The following IGF2BP1 variants were observed in gnomAD, a reference collection of about 807,000 sequenced individuals.
IGF2BP1 encodes insulin-like growth factor 2 mRNA-binding protein 1.
A neutral mutation model predicts 74.9 loss-of-function variants in IGF2BP1; 11 were observed. That is an observed-to-expected ratio of 0.15 (90% CI 0.09 to 0.24). The LOEUF is 0.24. IGF2BP1 is among the 10% of genes least tolerant of loss of function. IGF2BP1 has a pLI of 1.00. For missense variants in IGF2BP1, 440 were observed against 757.4 expected (o/e 0.58, Z 4.92); for synonymous variants, 287 against 281.8 (o/e 1.02, Z -0.18).
chr17:49,027,157 C>T (rs1257691012), intron 4 of IGF2BP1, among the ~76,000 whole-genome samples: 1 of 152,176 alleles, frequency 6.6e-6, no homozygotes, highest in African/African-American at 2.4e-5. Flanking sequence ...GCCTCGGCTT[C>T]GGATCTTGGT....
chr17:49,019,271 CTGG>C (rs2041745687), intron 2 of IGF2BP1, among the ~76,000 whole-genome samples: 1 of 152,152 alleles, frequency 6.6e-6, no homozygotes, highest in Non-Finnish European at 1.5e-5. Context: ...ACCATCTCAT[CTGG>C]TGCATTTGCT....
rs1354240668 is a variant in IGF2BP1 at position 48,999,188 on chromosome 17, C to G, written c.236+19C>G. 4.3e-5 allele frequency: 22 copies of G among 515,668 alleles called. No homozygotes were observed. Among genetic ancestry groups the G allele is most frequent in the Admixed American group, 2.1e-4 (4 of 18,768 alleles). The allele number at this position is 515,668 out of a possible 1,614,324, so 31.9% of individuals were successfully genotyped here. A position where few individuals can be genotyped will look rare whatever the true frequency, so the allele number is the denominator to read the frequency against. On this transcript the variant is annotated intron_variant, in intron 2 of 14. Coordinates refer to ENST00000290341, the MANE Select transcript of IGF2BP1 (RefSeq NM_006546.4). Reference sequence around the variant, plus strand: ...AACAAAGGTAGGAAAGAGCTCTTTTCGGGGGGGGTGGGGGGGCCGCGGGGG... The same window carrying G: ...AACAAAGGTAGGAAAGAGCTCTTTTGGGGGGGGGTGGGGGGGCCGCGGGGG...
chr17:49,030,639 T>G (rs2041911250), intron 4 of IGF2BP1, among the ~76,000 whole-genome samples: 1 of 152,164 alleles, frequency 6.6e-6, no homozygotes, highest in African/African-American at 2.4e-5. Context: ...TTTTTTTTCT[T>G]TTTTGAGACA....
chr17:49,017,864 C>T (rs1249176492), intron 2 of IGF2BP1: 1 of 152,136 alleles, frequency 6.6e-6, no homozygotes, highest in East Asian at 1.9e-4. Flanking sequence ...CCTGCCTCGG[C>T]CTCCCAAAGT....
At chr17:49,013,621 G>A (rs1020780703) in intron 2 of IGF2BP1, 3 of 152,386 alleles carry the variant, frequency 2.0e-5, no homozygotes, top group African/African-American at 7.2e-5. Context: ...GACCACCTCA[G>A]TCACAGCCCT....
chr17:49,034,803 G>C (rs978222717), intron 5 of IGF2BP1, among the ~76,000 whole-genome samples: 5 of 150,714 alleles, frequency 3.3e-5, no homozygotes, highest in African/African-American at 9.8e-5. Context: ...AACTTTTCAA[G>C]ATGGAATCCA....
chr17:49,002,256 G>GT (rs1429143546), intron 2 of IGF2BP1, among the ~76,000 whole-genome samples: 1 of 152,072 alleles, frequency 6.6e-6, no homozygotes, highest in Non-Finnish European at 1.5e-5. Context: ...AAATTTTACA[G>GT]TTTAATTTTT....
Position 49,049,950 on chromosome 17 carries a change from GA to G in IGF2BP1, c.*513del. Reference sequence around the variant, plus strand: ...AATTTTTTTATCTTTATTGCTACCAGAAAAAAATGCGAACGAATGCATTGCT... The same window carrying G: ...AATTTTTTTATCTTTATTGCTACCAGAAAAAATGCGAACGAATGCATTGCT... On this transcript the variant is annotated 3_prime_UTR_variant, in exon 15 of 15. Coordinates refer to ENST00000290341, the MANE Select transcript of IGF2BP1 (RefSeq NM_006546.4). The G allele has an allele frequency of 6.5e-6, 1 of 153,556 alleles. No homozygotes were observed. The highest frequency in any genetic ancestry group is 1.4e-5 in the Non-Finnish European group (1 of 69,030). 9.5% of individuals were successfully genotyped at this position (153,556 alleles called of 1,614,324 possible).
intron 2 of IGF2BP1, among the ~76,000 whole-genome samples, chr17:49,000,332 T>A (rs888955013): frequency 6.6e-6 from 1 of 152,158 alleles, no homozygotes; most frequent in African/African-American, 2.4e-5. Context: ...CCTAGAAAGT[T>A]TAATGTGAGA....
chr17:49,037,409 T>C, intron 5 of IGF2BP1: 2 of 466,900 alleles, frequency 4.3e-6, no homozygotes, highest in Middle Eastern at 5.5e-4. Context: ...AAGAGAAGGC[T>C]ACAGAAACTT....
rs190601513 is a variant in IGF2BP1, at chr17:49,044,394, A to G, written c.1320+308A>G. Among the ~76,000 whole-genome samples the G allele has an allele frequency of 1.1e-4, 17 of 152,172 alleles. No individual in the cohort carries two copies. In the East Asian group the frequency reaches 3.1e-3, roughly 28 times the overall value. ...ATCTCATCACCCCTTCCCCCAATAC[A>G]CTATATGATCTGAGCCTCACTTTCC... On this transcript the variant is annotated intron_variant, in intron 11 of 14. Coordinates refer to ENST00000290341, the MANE Select transcript of IGF2BP1 (RefSeq NM_006546.4).
chr17:49,013,475 C>G (rs1485156992), intron 2 of IGF2BP1: 1 of 152,562 alleles, frequency 6.6e-6, no homozygotes, highest in Non-Finnish European at 1.5e-5. Context: ...TGCCGCCTCC[C>G]GGGCCATTTT....
In IGF2BP1 at chr17:48,997,791, G is replaced by A. The variant is rs1408130892; in HGVS notation, c.46G>A (p.Ala16Thr). ...IGNLNESVTP[A>T]DLEKVFAEHK... ...CAACCTCAACGAGAGCGTGACCCCC[G>A]CGGACTTGGAGAAAGTGTTTGCGGA... The change falls in exon 1 of 15, where the codon GCG (alanine) becomes ACG (threonine). Residue 16 changes from alanine to threonine, a missense_variant. Physicochemically the swap from Ala to Thr is moderately conservative, Grantham distance 58 (BLOSUM62 0). Around this residue, in one of 5 missense-constraint regions of IGF2BP1, gnomAD observed 105 missense variants for 199.4 expected, o/e 0.53. Coordinates refer to ENST00000290341, the MANE Select transcript of IGF2BP1 (RefSeq NM_006546.4). The surrounding 1 kb of genome is among the most constrained non-coding windows in gnomAD (Gnocchi z 4.8). 1.2e-6 allele frequency: 2 copies of A among 1,613,888 alleles called. No individual in the cohort carries two copies. The highest frequency in any genetic ancestry group is 1.3e-5 in the African/African-American group (1 of 74,902).
chr17:49,012,235 A>G (rs1335072717), intron 2 of IGF2BP1, among the ~76,000 whole-genome samples: 15 of 152,172 alleles, frequency 9.9e-5, no homozygotes. Context: ...GATGGGTCCA[A>G]ATTTTCTCCC....
intron 5 of IGF2BP1, among the ~76,000 whole-genome samples, chr17:49,035,598 C>A (rs1041041265): frequency 6.6e-6 from 1 of 152,186 alleles, no homozygotes; most frequent in African/African-American, 2.4e-5. Flanking sequence ...TGGGGCCCCA[C>A]CACATGGCGC....
At chr17:49,014,368 C>A (rs992307577) in intron 2 of IGF2BP1, among the ~76,000 whole-genome samples, 7 of 150,842 alleles carry the variant, frequency 4.6e-5, no homozygotes, top group Non-Finnish European at 7.4e-5. Flanking sequence ...GCTGCGCTTT[C>A]CCCTGCTCCA....
At chr17:49,004,532 T>TA (rs1245024611) in intron 2 of IGF2BP1, 1 of 152,216 alleles carries the variant, frequency 6.6e-6, no homozygotes, top group African/African-American at 2.4e-5. Flanking sequence ...AATAGAACCT[T>TA]AAAGAGTTAA....
At chr17:49,009,690 C>T (rs1282359985) in intron 2 of IGF2BP1, among the ~76,000 whole-genome samples, 1 of 148,128 alleles carries the variant, frequency 6.8e-6, no homozygotes, top group Non-Finnish European at 1.5e-5. Flanking sequence ...GCCTGGGCAA[C>T]AAGAGCGAAA....
rs376463522 is a variant in IGF2BP1 at position 49,026,452 on chromosome 17, C to T, written c.286-14C>T. ...ACTCAGAGTTAAGTGTACTTCCCTT[C>T]TCCATTCTCCTAGGTACTGGACAGC... On this transcript the variant is annotated splice_polypyrimidine_tract_variant and intron_variant, in intron 3 of 14. Coordinates refer to ENST00000290341, the MANE Select transcript of IGF2BP1 (RefSeq NM_006546.4). 4.5e-5 allele frequency: 73 copies of T among 1,613,294 alleles called. No individual in the cohort carries two copies. Among genetic ancestry groups the T allele is most frequent in the African/African-American group, 6.7e-5 (5 of 74,906 alleles).
Sources: gnomAD v4.1 joint callset for allele counts (sites outside exome capture counted in the v4.1 genomes callset) on GRCh38, gnomAD v4.1.1 for gene constraint, gnomAD v4.1.1 regional missense constraint, Gnocchi (gnomAD v3.1) non-coding constraint, MANE v1.5 for transcripts, NCBI Gene and HGNC (gene_info 2026-07-23, HGNC 2026-07-21) for gene names.